The following PNMA6E variants were observed in gnomAD, a reference collection of about 807,000 sequenced individuals.
PNMA6E encodes PNMA family member 6E.
For missense variants in PNMA6E, 78 were observed against 50.8 expected (o/e 1.53, Z -1.63); for synonymous variants, 43 against 17.1 (o/e 2.52, Z -3.74).
chrX:153,398,048 C>A lies in PNMA6E; in HGVS notation c.802G>T (p.Ala268Ser). 2.2e-6 allele frequency: 1 copy of A among 450,062 alleles called. No individual in the cohort carries two copies. The highest frequency in any genetic ancestry group is 3.9e-6 in the Non-Finnish European group (1 of 258,773). The allele number at this position is 450,062 out of a possible 1,213,427, so 37.1% of individuals were successfully genotyped here. Residue 268 changes from alanine (A) to serine (S), a missense_variant, in exon 2 of 2, where the codon GCA becomes TCA. Physicochemically the swap from Ala to Ser is moderately conservative, Grantham distance 99 (BLOSUM62 1). Transcript: ENST00000445091. ...AAGEAGAVGEAGAAGEAGAVG... is the reference protein window; with the variant it reads ...AAGEAGAVGESGAAGEAGAVG... The stretch of plus-strand genomic sequence containing the variant: ...GCTCCTGCCTCACCTGCTGCTCCTG[C>A]CTCACCCACAGCTCCTGCCTCACCT...
the PNMA6E span, among the ~76,000 whole-genome samples, chrX:153,412,186 G>A: frequency 8.9e-6 from 1 of 112,654 alleles, no homozygotes; most frequent in Non-Finnish European, 1.9e-5. Flanking sequence ...GGTGGTGCGG[G>A]ATGTTGACCA....
chrX:153,406,578 C>T, the PNMA6E span, among the ~76,000 whole-genome samples: 6 of 112,699 alleles, frequency 5.3e-5, no homozygotes, highest in African/African-American at 1.9e-4. Flanking sequence ...ACCAATGCTG[C>T]GGAGGCCAGA....
At position 153,398,565 on chromosome X, in the gene PNMA6E, G is replaced by T; in HGVS notation, c.285C>A (p.Pro95=). 2.9e-6 allele frequency: 1 copy of T among 347,470 alleles called. No homozygotes were observed. The highest frequency in any genetic ancestry group is 5.0e-6 in the Non-Finnish European group (1 of 200,768). 28.6% of individuals were successfully genotyped at this position (347,470 alleles called of 1,213,427 possible). The change falls in exon 2 of 2, where the codon CCC becomes CCA. Residue 95 remains proline (P), a synonymous_variant. Coordinates refer to ENST00000445091, the MANE Select transcript of PNMA6E (RefSeq NM_001367770.1). ...CCTGAAACTCAATAACAGGTACTTG[G>T]GGCAGGAAGATCACTTTCCAGGGCC... The part of the protein sequence containing the change: ...NGGPWKVIFL[P]QVPVIEFQDM...
chrX:153,409,315 G>A, the PNMA6E span, among the ~76,000 whole-genome samples: 5 of 112,932 alleles, frequency 4.4e-5, no homozygotes, highest in Non-Finnish European at 9.4e-5. Flanking sequence ...TTCTGAATCC[G>A]GGTTTGCTGC....
In PNMA6E at chrX:153,397,324, G is replaced by A. The variant is rs909493224; in HGVS notation, c.1526C>T (p.Ala509Val). 8 of 296,838 alleles carry A rather than the reference G, an allele frequency of 2.7e-5. No individual in the cohort carries two copies. The highest frequency in any genetic ancestry group is 1.2e-4 in the Admixed American group (2 of 16,486). The allele number at this position is 296,838 out of a possible 1,213,427, so 24.5% of individuals were successfully genotyped here. ...TGGGTCTTCACTCTCCACTGGGGCC[G>A]CTGCCCAGGCCACACCCTGCTGGCT... ...ARSQQGVAWA[A>V]APVESEDPAA... Residue 509 changes from alanine to valine, a missense_variant, in exon 2 of 2, where the codon GCG becomes GTG. By Grantham distance (64) the Ala-to-Val change is moderately conservative (BLOSUM62 0). Transcript: ENST00000445091.
At chrX:153,408,391 C>T in the PNMA6E span, among the ~76,000 whole-genome samples, 1 of 112,662 alleles carries the variant, frequency 8.9e-6, no homozygotes, top group East Asian at 2.8e-4. Flanking sequence ...CCAGGCCTGA[C>T]ACTATTGCCC....
chrX:153,402,564 A>C (rs1391159872), upstream of PNMA6E, among the ~76,000 whole-genome samples: 4 of 111,987 alleles, frequency 3.6e-5, no homozygotes, highest in East Asian at 1.1e-3. Context: ...TTTACCTTAA[A>C]CTGTCATGTG....
At chrX:153,400,721 C>T (rs2088844129) in intron 1 of PNMA6E, among the ~76,000 whole-genome samples, 1 of 110,289 alleles carries the variant, frequency 9.1e-6, no homozygotes, top group Non-Finnish European at 1.9e-5. Context: ...CCCTCTCGCG[C>T]CTCAGACCCA....
At chrX:153,403,281 T>A (rs2088862796), upstream of PNMA6E, among the ~76,000 whole-genome samples, 2 of 112,236 alleles carry the variant, frequency 1.8e-5, no homozygotes, top group South Asian at 7.3e-4. Context: ...AACTCACCTG[T>A]CATCTACAAT....
rs1270652225 is a variant in PNMA6E at position 153,397,639 on chromosome X, C to T, written c.1211G>A (p.Arg404Gln). ...CAGGAACTTCAGCCTCGAAGTCATT[C>T]GAGTGTCCTGGTTCCTAAATACCTG... Reference protein sequence around the residue: ...LGQVFRNQDTRMTSRLKFLTC... With the variant: ...LGQVFRNQDTQMTSRLKFLTC... The change falls in exon 2 of 2, where the codon CGA becomes CAA. Residue 404 changes from arginine to glutamine, a missense_variant. Coordinates refer to ENST00000445091, the MANE Select transcript of PNMA6E (RefSeq NM_001367770.1). 2.0e-5 allele frequency: 6 copies of T among 298,590 alleles called. No individual in the cohort carries two copies. Among genetic ancestry groups the T allele is most frequent in the East Asian group, 4.8e-5 (1 of 21,026 alleles). The allele number at this position is 298,590 out of a possible 1,213,427, so 24.6% of individuals were successfully genotyped here.
chrX:153,400,698 G>A (rs1346941750), intron 1 of PNMA6E, among the ~76,000 whole-genome samples: 4 of 105,758 alleles, frequency 3.8e-5, no homozygotes, highest in Admixed American at 1.0e-4. Context: ...CACGGCACCC[G>A]CCAGGGGCCG....
Position 153,398,637 on chromosome X carries a change from C to CCTG in PNMA6E, c.212_213insCAG (p.Glu71delinsAspArg). On this transcript the variant is annotated protein_altering_variant, in exon 2 of 2. Transcript: ENST00000445091. ...GGGGAATCAAGCTTCGGTTTAAATA[C>CCTG]TCAGCGAACTCCACCAAGGCTGCCT... 3.0e-6 allele frequency: 1 copy of CCTG among 333,818 alleles called. No homozygotes were observed. Among genetic ancestry groups the CCTG allele is most frequent in the Non-Finnish European group, 5.2e-6 (1 of 192,722 alleles). The allele number at this position is 333,818 out of a possible 1,213,427, so 27.5% of individuals were successfully genotyped here.
In PNMA6E at chrX:153,396,777, G is replaced by C. The variant is rs1335184680; in HGVS notation, c.*129C>G. ...AGGGAAGGAATGGGGGTGGTGGCCA[G>C]AGCCCCTTGGGGGAGGTGGGGGGCC... On this transcript the variant is annotated 3_prime_UTR_variant, in exon 2 of 2. Transcript: ENST00000445091. 1.4e-5 allele frequency: 4 copies of C among 294,983 alleles called. No homozygotes were observed. Among genetic ancestry groups the C allele is most frequent in the Admixed American group, 6.1e-5 (1 of 16,410 alleles). 24.3% of individuals were successfully genotyped at this position (294,983 alleles called of 1,213,427 possible).
chrX:153,406,782 T>G, the PNMA6E span, among the ~76,000 whole-genome samples: 2 of 112,688 alleles, frequency 1.8e-5, no homozygotes, highest in African/African-American at 6.4e-5. Flanking sequence ...CCAGAGTGGA[T>G]GCAGTAAGAC....
At chrX:153,408,923 C>G in the PNMA6E span, among the ~76,000 whole-genome samples, 1,405 of 112,568 alleles carry the variant, frequency 0.012, 30 homozygotes, top group African/African-American at 0.042. Flanking sequence ...CTTACAGCCC[C>G]CTTTGGCCTG....
chrX:153,409,918 T>TC, the PNMA6E span, among the ~76,000 whole-genome samples: 1 of 111,545 alleles, frequency 9.0e-6, no homozygotes, highest in Non-Finnish European at 1.9e-5. Context: ...GGTGCAAAGG[T>TC]CCCCCCGCCC....
the PNMA6E span, among the ~76,000 whole-genome samples, chrX:153,411,392 C>T: frequency 4.5e-5 from 5 of 111,166 alleles, no homozygotes; most frequent in Non-Finnish European, 9.5e-5. Flanking sequence ...GCGGGGCGGG[C>T]CGCCATCCCT....
chrX:153,401,734 T>C (rs1254093632), upstream of PNMA6E, among the ~76,000 whole-genome samples: 6 of 111,365 alleles, frequency 5.4e-5, no homozygotes, highest in Admixed American at 2.8e-4. Flanking sequence ...GATCCTATGT[T>C]TTGTTTTGTT....
the PNMA6E span, among the ~76,000 whole-genome samples, chrX:153,408,500 C>T: frequency 4.3e-4 from 48 of 112,552 alleles, no homozygotes; most frequent in African/African-American, 1.3e-3. Context: ...CCATGAGCCA[C>T]GCAGTACTCC....
Sources: allele counts gnomAD v4.1 joint callset (sites outside exome capture counted in the v4.1 genomes callset), GRCh38; gene constraint gnomAD v4.1.1; transcripts MANE v1.5; gene names NCBI Gene and HGNC (gene_info 2026-07-23, HGNC 2026-07-21).